TEX14: variants seen among roughly 807,000 people sequenced by gnomAD.
TEX14 encodes testis expressed 14, intercellular bridge forming factor.
TEX14 carries 168 observed loss-of-function variants against 178.6 expected under a neutral mutation model. The observed-to-expected ratio is 0.94, with a 90% CI of 0.83 to 1.07. The LOEUF is 1.07. Ranked by LOEUF, TEX14 falls within the 50% of genes least tolerant of loss-of-function variation. TEX14 has a pLI of 0.00. For synonymous variants in TEX14, 626 were observed against 634.1 expected, an observed-to-expected ratio of 0.99 and a Z score of 0.19; for missense variants, 1,730 against 1,753.6, an observed-to-expected ratio of 0.99 and a Z score of 0.24.
At chr17:58,644,903 G>A (rs1433285743) in intron 2 of TEX14, among the ~76,000 whole-genome samples, 11 of 151,808 alleles carry the variant, frequency 7.2e-5, no homozygotes, top group East Asian at 1.9e-4. Context: ...CACCCACCTC[G>A]GCCTCCCAAA....
intron 10 of TEX14, among the ~76,000 whole-genome samples, chr17:58,610,084 C>T (rs1185745816): frequency 6.6e-6 from 1 of 152,204 alleles, no homozygotes; most frequent in African/African-American, 2.4e-5. Flanking sequence ...AGAGCCTCTG[C>T]CTCTCAAAGC....
chr17:58,617,151 G>A (rs2045891129), intron 6 of TEX14, among the ~76,000 whole-genome samples: 1 of 152,110 alleles, frequency 6.6e-6, no homozygotes, highest in Admixed American at 6.6e-5. Flanking sequence ...GGAAGGCTGA[G>A]GCATCAGAAT....
At chr17:58,681,863 A>G (rs879005350) in intron 1 of TEX14, among the ~76,000 whole-genome samples, 1 of 152,138 alleles carries the variant, frequency 6.6e-6, no homozygotes. Context: ...AACAAAAAAA[A>G]AGAAAAGAAA....
intron 15 of TEX14, among the ~76,000 whole-genome samples, chr17:58,590,218 G>A (rs1056024267): frequency 8.7e-5 from 12 of 138,372 alleles, no homozygotes; most frequent in African/African-American, 1.4e-4. Flanking sequence ...CCGAGTTTGC[G>A]CCACTGCACT....
At chr17:58,691,666 CAA>C (rs34546660) in intron 1 of TEX14, among the ~76,000 whole-genome samples, 6 of 107,088 alleles carry the variant, frequency 5.6e-5, no homozygotes, top group African/African-American at 7.2e-5. Flanking sequence ...GACTCTGTCT[CAA>C]AAAAAAAAAA....
At chr17:58,566,418 C>A (rs2044399744) in intron 26 of TEX14, among the ~76,000 whole-genome samples, 1 of 152,190 alleles carries the variant, frequency 6.6e-6, no homozygotes, top group South Asian at 2.1e-4. Flanking sequence ...TTTATAGTCT[C>A]TCAAAAAGTT....
chr17:58,575,113 C>CTTTTT (rs200915772), intron 21 of TEX14, among the ~76,000 whole-genome samples: 1 of 135,540 alleles, frequency 7.4e-6, no homozygotes, highest in Non-Finnish European at 1.6e-5. Flanking sequence ...CATGTTTTCA[C>CTTTTT]TTTTTTTTTT....
In TEX14 at chr17:58,585,930, A is replaced by G; in HGVS notation, c.2941T>C (p.Trp981Arg). 6.2e-7 allele frequency: 1 copy of G among 1,614,014 alleles called. No individual in the cohort carries two copies. The highest frequency in any genetic ancestry group is 8.5e-7 in the Non-Finnish European group (1 of 1,180,008). Residue 981 changes from tryptophan (W) to arginine (R), a missense_variant, in exon 18 of 32, where the codon TGG (tryptophan) becomes CGG (arginine). Physicochemically the swap from Trp to Arg is moderately radical, Grantham distance 101. Around this residue, in one of 2 missense-constraint regions of TEX14, gnomAD observed 941 missense variants for 1,072.4 expected, o/e 0.88. Coordinates refer to ENST00000349033, the MANE Select transcript of TEX14 (RefSeq NM_031272.5). ...PPIRSPENTD[W>R]QRVIEYHREN... ...CTATGATACTCAATAACTCGCTGCC[A>G]ATCCGTGTTTTCTGGGCTCCTAATG...
At chr17:58,647,311 C>T (rs1384640931) in intron 2 of TEX14, among the ~76,000 whole-genome samples, 3 of 151,858 alleles carry the variant, frequency 2.0e-5, no homozygotes, top group Non-Finnish European at 2.9e-5. Flanking sequence ...GTGGGCAGAT[C>T]ACAAGGTCAG....
intron 25 of TEX14, 102 bp downstream of exon 25, chr17:58,570,283 A>T: frequency 1.5e-6 from 1 of 672,872 alleles, no homozygotes; most frequent in Non-Finnish European, 2.3e-6. Context: ...CATGGGGAAA[A>T]CAGCATTTCT....
chr17:58,650,799 T>C (rs527548335), intron 2 of TEX14, among the ~76,000 whole-genome samples: 1 of 152,238 alleles, frequency 6.6e-6, no homozygotes, highest in South Asian at 2.1e-4. Flanking sequence ...GAGAGAACTA[T>C]TCAGTGGGAT....
intron 1 of TEX14, among the ~76,000 whole-genome samples, chr17:58,669,733 C>CAAAAAAAAA (rs71367615): frequency 3.6e-5 from 2 of 56,294 alleles, no homozygotes; most frequent in African/African-American, 6.3e-5. Flanking sequence ...GACTCCGTCT[C>CAAAAAAAAA]AAAAAAAAAA....
chr17:58,660,543 G>A (rs745493668), intron 1 of TEX14: 1 of 768,080 alleles, frequency 1.3e-6, no homozygotes, highest in Non-Finnish European at 2.4e-6. Context: ...CGGGGAAGGT[G>A]TGCACCCTGC....
chr17:58,621,659 A>T lies in TEX14; in HGVS notation c.545T>A (p.Leu182His). 6.2e-7 allele frequency: 1 copy of T among 1,613,552 alleles called. No individual in the cohort carries two copies. The highest frequency in any genetic ancestry group is 8.5e-7 in the Non-Finnish European group (1 of 1,179,774). Residue 182 changes from leucine (L) to histidine (H), a missense_variant, in exon 5 of 32, where the codon CTC (leucine) becomes CAC (histidine). Coordinates refer to ENST00000349033, the MANE Select transcript of TEX14 (RefSeq NM_031272.5). ...LVYSPSWCGG[L>H]VQGNPNGSPN... ...TCAAGGCAGTACTCACCCCTGCACG[A>T]GGCCCCCACACCAGGACGGGCTGTA... is the stretch of plus-strand genomic sequence containing the variant.
At position 58,605,527 on chromosome 17, in the gene TEX14, G is replaced by A. The variant is rs554973534; in HGVS notation, c.1185-398C>T. On this transcript the variant is annotated intron_variant, in intron 10 of 31. Transcript: ENST00000349033. ...AGCTAGTCCACACTGCTTCAGAGCT[G>A]TTCCAATACCTGCAATTCCTTACTA... 7.2e-5 allele frequency among the ~76,000 whole-genome samples: 11 copies of A among 152,318 alleles called. No individual in the cohort carries two copies. In the East Asian group the frequency reaches 2.1e-3, roughly 29 times the overall value.
At chr17:58,601,763 A>G (rs749809323) in intron 13 of TEX14, 43 bp downstream of exon 13, 2 of 1,582,272 alleles carry the variant, frequency 1.3e-6, no homozygotes, top group Middle Eastern at 2.3e-4. Flanking sequence ...CTCTCAGAAC[A>G]CATTTGTGTC....
chr17:58,679,403 G>A (rs1352688081), intron 1 of TEX14: 1 of 151,554 alleles, frequency 6.6e-6, no homozygotes, highest in Non-Finnish European at 1.5e-5. Context: ...AGCGTGTGTG[G>A]AGAAAAAAAT....
intron 3 of TEX14, among the ~76,000 whole-genome samples, chr17:58,626,788 T>C (rs951440771): frequency 1.3e-5 from 2 of 151,882 alleles, no homozygotes; most frequent in African/African-American, 4.8e-5. Context: ...GGAGAATCGC[T>C]TGAACCCAGG....
intron 5 of TEX14, 107 bp downstream of exon 5, chr17:58,621,524 CCCTTTGGATGGGCCAGATG>C (rs1451055715): frequency 1.1e-6 from 1 of 938,240 alleles, no homozygotes; most frequent in Non-Finnish European, 1.6e-6. Context: ...CCAAGCACAC[CCCTTTGGATGGGCCAGATG>C]CCAGAGGGCA....
Sources: allele counts gnomAD v4.1 joint callset (sites outside exome capture counted in the v4.1 genomes callset), GRCh38; gene constraint gnomAD v4.1.1; regional missense constraint gnomAD v4.1.1; transcripts MANE v1.5; gene names NCBI Gene and HGNC (gene_info 2026-07-23, HGNC 2026-07-21).